The following PCGF6 variants were observed in gnomAD, a reference collection of about 807,000 sequenced individuals.
PCGF6 encodes polycomb group ring finger 6.
PCGF6 carries 24 observed loss-of-function variants against 45.5 expected under a neutral mutation model. The ratio of observed to expected loss-of-function variants is 0.53; its 90% CI spans 0.38 to 0.74. The LOEUF (loss-of-function observed/expected upper bound fraction) is 0.74. Ranked by LOEUF, PCGF6 falls within the 30% of genes least tolerant of loss-of-function variation. The pLI, the probability that PCGF6 is intolerant of heterozygous loss-of-function variation, is 0.00. For missense variants in PCGF6, 356 were observed against 443.2 expected, an observed-to-expected ratio of 0.80 and a Z score of 1.77; for synonymous variants, 152 against 162.1, an observed-to-expected ratio of 0.94 and a Z score of 0.47.
intron 9 of PCGF6, among the ~76,000 whole-genome samples, chr10:103,305,761 C>T (rs2093136145): frequency 6.6e-6 from 1 of 151,988 alleles, no homozygotes; most frequent in Non-Finnish European, 1.5e-5. Flanking sequence ...TTAAAGAATG[C>T]CCTCAGCTGG....
Position 103,330,468 on chromosome 10 carries a change from C to T in PCGF6, c.810+3457G>A, listed in dbSNP as rs952719194. ...CAATGTTTCTATTCAAAGTTTCTAT[C>T]GAATCTTGGCTTAGGTATTAAAAAA... On this transcript the variant is annotated intron_variant, in intron 7 of 9. Coordinates refer to ENST00000369847, the MANE Select transcript of PCGF6 (RefSeq NM_001011663.2). Among the ~76,000 whole-genome samples the T allele has an allele frequency of 2.0e-5, 3 of 152,050 alleles. No homozygotes were observed. In the East Asian group the frequency reaches 5.8e-4, roughly 29 times the overall value.
chr10:103,325,745 A>G (rs2093215730), intron 8 of PCGF6, among the ~76,000 whole-genome samples: 1 of 151,988 alleles, frequency 6.6e-6, no homozygotes, highest in Admixed American at 6.6e-5. Flanking sequence ...CTAGCCTGGC[A>G]CAGTGGCTAA....
At chr10:103,335,580 C>G (rs1219383113) in intron 6 of PCGF6, among the ~76,000 whole-genome samples, 1 of 152,016 alleles carries the variant, frequency 6.6e-6, no homozygotes, top group Admixed American at 6.6e-5. Context: ...TCAGGATGGC[C>G]TCGATCTCTT....
intron 7 of PCGF6, among the ~76,000 whole-genome samples, chr10:103,331,923 G>GCTGGGA (rs1157100231): frequency 6.6e-6 from 1 of 152,160 alleles, no homozygotes; most frequent in Non-Finnish European, 1.5e-5. Context: ...CTCCCGGGTA[G>GCTGGGA]CTGGGACAAC....
chr10:103,349,362 C>T (rs1475209337), intron 1 of PCGF6, among the ~76,000 whole-genome samples: 2 of 151,776 alleles, frequency 1.3e-5, no homozygotes, highest in Non-Finnish European at 2.9e-5. Context: ...TTCTTCAAAA[C>T]CTTAAACCAT....
intron 1 of PCGF6, among the ~76,000 whole-genome samples, chr10:103,350,309 C>A (rs934211575): frequency 6.7e-6 from 1 of 149,818 alleles, no homozygotes. Flanking sequence ...CGTGGTGGCG[C>A]GTGCCTGTAG....
At chr10:103,326,833 C>A (rs2093220626) in intron 7 of PCGF6, among the ~76,000 whole-genome samples, 2 of 152,134 alleles carry the variant, frequency 1.3e-5, no homozygotes, top group African/African-American at 4.8e-5. Flanking sequence ...TTAGCTTTCC[C>A]TTTCTGAAAA....
intron 1 of PCGF6, among the ~76,000 whole-genome samples, chr10:103,350,070 G>C (rs1448150482): frequency 1.4e-5 from 2 of 144,230 alleles, no homozygotes; most frequent in Non-Finnish European, 3.0e-5. Context: ...GCGACAGAGC[G>C]AGACTCCGTC....
chr10:103,303,877 T>C lies in PCGF6; in HGVS notation c.*28A>G, dbSNP rs1433748937. ...GCAGTCCTGCAGAAGCCTCCTTTGT[T>C]TCCCTCCTCATAATGTGCCTAGAAT... is the stretch of plus-strand genomic sequence containing the variant. On this transcript the variant is annotated 3_prime_UTR_variant, in exon 10 of 10. Coordinates refer to ENST00000369847, the MANE Select transcript of PCGF6 (RefSeq NM_001011663.2). The C allele has an allele frequency of 2.5e-6, 4 of 1,582,520 alleles. No individual in the cohort carries two copies. The highest frequency in any genetic ancestry group is 2.6e-6 in the Non-Finnish European group (3 of 1,153,750).
chr10:103,319,845 C>T (rs979075662), intron 8 of PCGF6, among the ~76,000 whole-genome samples: 3 of 152,048 alleles, frequency 2.0e-5, no homozygotes, highest in East Asian at 1.9e-4. Context: ...CTTGCTCTGT[C>T]GCCAGGCTGT....
chr10:103,302,919 T>C lies in PCGF6; in HGVS notation c.*986A>G, dbSNP rs1344816106. ...GTCTCTACACATTCAGAAATTCTGC[T>C]GTTAAACAGGATTTATAAAATATTT... On this transcript the variant is annotated 3_prime_UTR_variant, in exon 10 of 10. Transcript: ENST00000369847. The C allele has an allele frequency of 6.6e-6, 1 of 152,382 alleles. No individual in the cohort carries two copies. The highest frequency in any genetic ancestry group is 2.4e-5 in the African/African-American group (1 of 41,464). The allele number at this position is 152,382 out of a possible 1,614,324, so 9.4% of individuals were successfully genotyped here.
intron 8 of PCGF6, among the ~76,000 whole-genome samples, chr10:103,316,009 TATATAGAGAG>T (rs796373038): frequency 2.6e-3 from 333 of 127,372 alleles, no homozygotes; most frequent in African/African-American, 8.1e-3. Context: ...TATATATATA[TATATAGAGAG>T]AGAGAGAGAG....
intron 6 of PCGF6, among the ~76,000 whole-genome samples, chr10:103,340,180 GAAA>G (rs58312332): frequency 0.14 from 10,353 of 71,588 alleles, 695 homozygotes; most frequent in Middle Eastern, 0.21. Flanking sequence ...CTGTCTCAGG[GAAA>G]AAAAAAAAAA....
At chr10:103,340,689 C>G (rs368131712) in intron 6 of PCGF6, among the ~76,000 whole-genome samples, 3 of 151,958 alleles carry the variant, frequency 2.0e-5, no homozygotes, top group African/African-American at 7.2e-5. Context: ...CTCAAACTCC[C>G]GGGCTCAGTC....
intron 6 of PCGF6, among the ~76,000 whole-genome samples, chr10:103,339,303 T>C (rs1457170575): frequency 6.6e-6 from 1 of 151,894 alleles, no homozygotes; most frequent in Non-Finnish European, 1.5e-5. Context: ...GGCGAGAGGA[T>C]TGCTTGAGTA....
intron 8 of PCGF6, among the ~76,000 whole-genome samples, chr10:103,320,338 A>C (rs909015345): frequency 2.6e-5 from 4 of 152,180 alleles, no homozygotes; most frequent in Non-Finnish European, 5.9e-5. Context: ...TGAGAAAGAA[A>C]CATATTTGGA....
In PCGF6 at chr10:103,321,914, G is replaced by A. The variant is rs74729149; in HGVS notation, c.909+4620C>T. Reference sequence around the variant, plus strand: ...ATTTCATTTCACTTTTTTTTTTTTTGAGACAGAGTCTCACTCTGTCACCCA... The same window carrying A: ...ATTTCATTTCACTTTTTTTTTTTTTAAGACAGAGTCTCACTCTGTCACCCA... On this transcript the variant is annotated intron_variant, in intron 8 of 9. Transcript: ENST00000369847. Among the ~76,000 whole-genome samples, 7 of 107,170 alleles carry A rather than the reference G, an allele frequency of 6.5e-5. No individual in the cohort carries two copies. In the Admixed American group the frequency reaches 6.9e-4, roughly 11 times the overall value. 70.3% of individuals were successfully genotyped at this position (107,170 alleles called of 152,430 possible).
chr10:103,320,847 G>C (rs897790554), intron 8 of PCGF6, among the ~76,000 whole-genome samples: 1 of 152,134 alleles, frequency 6.6e-6, no homozygotes, highest in Non-Finnish European at 1.5e-5. Context: ...TGTAAACCAT[G>C]CACACATTTC....
At chr10:103,336,706 C>T (rs1015826140) in intron 6 of PCGF6, among the ~76,000 whole-genome samples, 15 of 152,018 alleles carry the variant, frequency 9.9e-5, no homozygotes, top group Non-Finnish European at 2.1e-4. Context: ...AAACTTATGT[C>T]TCCAATAAAA....
Sources: gnomAD v4.1 joint callset for allele counts (sites outside exome capture counted in the v4.1 genomes callset) on GRCh38, gnomAD v4.1.1 for gene constraint, MANE v1.5 for transcripts, NCBI Gene and HGNC (gene_info 2026-07-23, HGNC 2026-07-21) for gene names.